Variants in SCAMP1 observed in about 807,000 individuals in gnomAD.
SCAMP1 encodes the protein secretory carrier-associated membrane protein 1.
SCAMP1 carries 15 observed loss-of-function variants against 41.8 expected under a neutral mutation model. That is an observed-to-expected ratio of 0.36 (90% confidence interval 0.24 to 0.55). The LOEUF (loss-of-function observed/expected upper bound fraction) is 0.55, where lower values mean the gene tolerates loss of function less well. SCAMP1 is among the 20% of genes least tolerant of loss of function. The pLI is 0.86. For missense variants in SCAMP1, 341 were observed against 412.6 expected (o/e 0.83, Z 1.50); for synonymous variants, 135 against 136.8 (o/e 0.99, Z 0.09).
chr5:78,402,783 T>C (rs2112112628), intron 2 of SCAMP1, among the ~76,000 whole-genome samples: 1 of 152,294 alleles, frequency 6.6e-6, no homozygotes, highest in East Asian at 1.9e-4. Context: ...ATGTTCAAAG[T>C]GATTATTGAT....
chr5:78,440,990 G>T (rs1183795419), intron 6 of SCAMP1, among the ~76,000 whole-genome samples: 1 of 152,230 alleles, frequency 6.6e-6, no homozygotes, highest in African/African-American at 2.4e-5. Flanking sequence ...GGCTCTGTGG[G>T]CGTGGGACCC....
In SCAMP1 at chr5:78,385,437, A is replaced by G. The variant is rs148764825; in HGVS notation, c.58-3400A>G. ...TTATCTTTTGTATTTGTTTGTTTCT[A>G]TTTCATTTAGTTCTGCTCTGATCTT... On this transcript the variant is annotated intron_variant, in intron 1 of 8. Coordinates refer to ENST00000621999, the MANE Select transcript of SCAMP1 (RefSeq NM_004866.6). Among the ~76,000 whole-genome samples the G allele has an allele frequency of 8.3e-4, 126 of 151,402 alleles. 3 individuals are homozygous for G. The East Asian group carries it at 0.01, about 13-fold the overall frequency.
intron 6 of SCAMP1, among the ~76,000 whole-genome samples, chr5:78,423,463 A>AC (rs1428384182): frequency 2.0e-5 from 3 of 151,864 alleles, no homozygotes; most frequent in Admixed American, 6.6e-5. Context: ...TGGACATCTA[A>AC]CCTCTGCCTA....
intron 6 of SCAMP1, among the ~76,000 whole-genome samples, chr5:78,442,928 T>A (rs1752962541): frequency 6.6e-6 from 1 of 152,124 alleles, no homozygotes; most frequent in Non-Finnish European, 1.5e-5. Context: ...AGCTTAAGGC[T>A]GGGTGCCATG....
intron 8 of SCAMP1, among the ~76,000 whole-genome samples, chr5:78,469,311 T>C (rs1288747526): frequency 6.6e-6 from 1 of 152,160 alleles, no homozygotes; most frequent in Non-Finnish European, 1.5e-5. Flanking sequence ...TAGGAATCAA[T>C]TCTGGATGGT....
At chr5:78,398,785 T>TC (rs1255904500) in intron 2 of SCAMP1, among the ~76,000 whole-genome samples, 1 of 151,972 alleles carries the variant, frequency 6.6e-6, no homozygotes, top group African/African-American at 2.4e-5. Flanking sequence ...CTTCAGGTGA[T>TC]CCCCCTGCCT....
chr5:78,408,324 A>C (rs764053925), intron 2 of SCAMP1, among the ~76,000 whole-genome samples: 8 of 152,116 alleles, frequency 5.3e-5, no homozygotes, highest in Non-Finnish European at 8.8e-5. Context: ...CAGCATAGGA[A>C]AGACCCACCC....
At chr5:78,384,028 G>T (rs1049612830) in intron 1 of SCAMP1, among the ~76,000 whole-genome samples, 1 of 152,070 alleles carries the variant, frequency 6.6e-6, no homozygotes, top group Non-Finnish European at 1.5e-5. Flanking sequence ...TGGCAGTATG[G>T]TCATTTTCAC....
rs893362975 is a variant in SCAMP1 at position 78,360,688 on chromosome 5, G to A, written c.17G>A (p.Ser6Asn). MSDFD[S>N]NPFADPDLNN... ...GCCAGAGAGATGTCGGATTTCGACA[G>A]TAACCCGTTTGCCGACCCGGATCTC... Residue 6 changes from serine (S) to asparagine (N), a missense_variant, in exon 1 of 9, where the codon AGT becomes AAT. By Grantham distance (46) the Ser-to-Asn change is conservative. Coordinates refer to ENST00000621999, the MANE Select transcript of SCAMP1 (RefSeq NM_004866.6). 1.9e-6 allele frequency: 3 copies of A among 1,610,652 alleles called. No individual in the cohort carries two copies. The highest frequency in any genetic ancestry group is 2.5e-6 in the Non-Finnish European group (3 of 1,178,700).
chr5:78,421,552 C>G (rs1752339827), intron 5 of SCAMP1, among the ~76,000 whole-genome samples: 1 of 152,096 alleles, frequency 6.6e-6, no homozygotes, highest in Admixed American at 6.6e-5. Flanking sequence ...ACATCATTGC[C>G]TGTGAGGAGG....
At chr5:78,386,753 A>T (rs112260845) in intron 1 of SCAMP1, among the ~76,000 whole-genome samples, 118 of 152,170 alleles carry the variant, frequency 7.8e-4, no homozygotes, top group Non-Finnish European at 1.2e-3. Context: ...CTTGGCTGAT[A>T]ATTGTTTTCT....
At chr5:78,472,731 CTTCTGTG>C (rs1043681009) in intron 8 of SCAMP1, among the ~76,000 whole-genome samples, 1 of 152,032 alleles carries the variant, frequency 6.6e-6, no homozygotes, top group Non-Finnish European at 1.5e-5. Context: ...CTTTATTTTG[CTTCTGTG>C]TTCTGTGGGA....
Position 78,475,486 on chromosome 5 carries a change from T to A in SCAMP1, c.853-18T>A. On this transcript the variant is annotated intron_variant, in intron 8 of 8. Transcript: ENST00000621999. ...TAGGTTGCTACTTACCTTCTCCCAC[T>A]TTTTTGTGCCTCTGTAGGTACATGG... 1 of 1,544,460 alleles carries A rather than the reference T, an allele frequency of 6.5e-7. No individual in the cohort carries two copies. The highest frequency in any genetic ancestry group is 2.2e-5 in the Admixed American group (1 of 46,230).
chr5:78,441,760 G>A (rs1248616043), intron 6 of SCAMP1, among the ~76,000 whole-genome samples: 4 of 152,068 alleles, frequency 2.6e-5, no homozygotes, highest in South Asian at 2.1e-4. Flanking sequence ...CCTGGGAGGC[G>A]GAGTGAGCCA....
intron 1 of SCAMP1, among the ~76,000 whole-genome samples, chr5:78,371,811 A>G (rs910759061): frequency 6.6e-6 from 1 of 152,252 alleles, no homozygotes; most frequent in Non-Finnish European, 1.5e-5. Context: ...GTTGAATTAA[A>G]TAATACATTT....
chr5:78,460,161 C>T (rs993656167), intron 8 of SCAMP1, among the ~76,000 whole-genome samples: 12 of 152,108 alleles, frequency 7.9e-5, no homozygotes, highest in Admixed American at 3.9e-4. Context: ...TATTGATGGA[C>T]GCTTAGGTTG....
intron 1 of SCAMP1, among the ~76,000 whole-genome samples, chr5:78,367,530 G>T (rs1333459316): frequency 3.3e-5 from 5 of 152,170 alleles, no homozygotes. Context: ...CATAGTAGCA[G>T]CAGTGCTCCC....
intron 8 of SCAMP1, among the ~76,000 whole-genome samples, chr5:78,465,457 C>T (rs1244448533): frequency 6.6e-6 from 1 of 152,186 alleles, no homozygotes; most frequent in Non-Finnish European, 1.5e-5. Flanking sequence ...GGTTGTAATT[C>T]TCACATCTGG....
At chr5:78,367,403 GTT>G (rs2112041302) in intron 1 of SCAMP1, among the ~76,000 whole-genome samples, 1 of 152,168 alleles carries the variant, frequency 6.6e-6, no homozygotes, top group South Asian at 2.1e-4. Flanking sequence ...CAGTCACCTG[GTT>G]TATGGTTTCA....
Sources: gnomAD v4.1 joint callset for allele counts (sites outside exome capture counted in the v4.1 genomes callset) on GRCh38, gnomAD v4.1.1 for gene constraint, MANE v1.5 for transcripts, NCBI Gene and HGNC (gene_info 2026-07-23, HGNC 2026-07-21) for gene names.